Variants in ITGA9 observed in about 807,000 individuals in gnomAD.
The protein encoded by ITGA9 is integrin subunit alpha 9.
In ITGA9, 56 loss-of-function variants were observed where a neutral mutation model predicts 127.8. The ratio of observed to expected loss-of-function variants is 0.44; its 90% CI spans 0.35 to 0.55. The LOEUF is 0.55. Among genes scored for constraint, ITGA9 ranks in the 20% least tolerant of loss-of-function variants. ITGA9 has a pLI of 0.00. For synonymous variants in ITGA9, 508 were observed against 514.5 expected, an observed-to-expected ratio of 0.99 and a Z score of 0.17; for missense variants, 1,196 against 1,347.1, an observed-to-expected ratio of 0.89 and a Z score of 1.76.
chr3:37,750,473 T>G lies in ITGA9; in HGVS notation c.2445T>G (p.Thr815=). 2 of 1,609,918 alleles carry G rather than the reference T, an allele frequency of 1.2e-6. No individual in the cohort carries two copies. The highest frequency in any genetic ancestry group is 1.7e-6 in the Non-Finnish European group (2 of 1,176,232). The stretch of plus-strand genomic sequence containing the variant: ...TTCCACACCCACAGGTCTACAACAC[T>G]GGCCCAAGCACCCTTCCAGGGTCAT... The part of the protein sequence containing the change: ...PINITLQVYN[T]GPSTLPGSSV... The change falls in exon 23 of 28, where the codon ACT becomes ACG. Residue 815 remains threonine (T), a synonymous_variant. Transcript: ENST00000264741.
chr3:37,774,633 A>G lies in ITGA9; in HGVS notation c.2542-2759A>G, dbSNP rs145824442. Among the ~76,000 whole-genome samples the G allele has an allele frequency of 6.1e-4, 93 of 152,124 alleles. No homozygotes were observed. The East Asian group carries it at 0.016, about 27-fold the overall frequency. ...TCCCAGCTACTCAGGAGGCTGAGGA[A>G]GGAGGATCACCTGAGCCCAGGAGGT... On this transcript the variant is annotated intron_variant, in intron 23 of 27. Transcript: ENST00000264741.
chr3:37,625,147 G>C (rs571237828), intron 15 of ITGA9, among the ~76,000 whole-genome samples: 2 of 152,234 alleles, frequency 1.3e-5, no homozygotes, highest in East Asian at 3.9e-4. Flanking sequence ...CTCTCTGCCT[G>C]ATGTCCTACT....
intron 17 of ITGA9, among the ~76,000 whole-genome samples, chr3:37,679,977 G>A (rs1274251593): frequency 6.6e-6 from 1 of 152,088 alleles, no homozygotes; most frequent in Admixed American, 6.5e-5. Flanking sequence ...GGGGGGTGGG[G>A]GGCTCATAAT....
chr3:37,562,677 G>A (rs1408912311), intron 15 of ITGA9, among the ~76,000 whole-genome samples: 2 of 152,174 alleles, frequency 1.3e-5, no homozygotes, highest in African/African-American at 4.8e-5. Context: ...CATTTTGGCA[G>A]TTATATATTG....
intron 17 of ITGA9, among the ~76,000 whole-genome samples, chr3:37,659,595 GT>G (rs1700513191): frequency 6.6e-6 from 1 of 151,822 alleles, no homozygotes; most frequent in African/African-American, 2.4e-5. Flanking sequence ...TGTTTTCAAG[GT>G]TCTTAGCATC....
At chr3:37,767,272 G>T (rs1281899006) in intron 23 of ITGA9, among the ~76,000 whole-genome samples, 1 of 152,186 alleles carries the variant, frequency 6.6e-6, no homozygotes, top group Non-Finnish European at 1.5e-5. Flanking sequence ...CGTTGGTCTG[G>T]AGGCTTTGCC....
intron 23 of ITGA9, 33 bp from the exon 24 acceptor site, chr3:37,777,359 T>C (rs1696920883): frequency 6.2e-7 from 1 of 1,613,688 alleles, no homozygotes; most frequent in East Asian, 2.2e-5. Context: ...TTCTTGAGAA[T>C]GACTCCTCTG....
chr3:37,649,716 G>C (rs1700412602), intron 16 of ITGA9, among the ~76,000 whole-genome samples: 1 of 152,132 alleles, frequency 6.6e-6, no homozygotes, highest in Non-Finnish European at 1.5e-5. Context: ...GTAACAAATG[G>C]ACCTAGCTGG....
chr3:37,452,527 A>T lies in ITGA9; in HGVS notation c.153A>T (p.Ala51=). Residue 51 remains alanine (A), a synonymous_variant, in exon 1 of 28, where the codon GCA becomes GCT. Coordinates refer to ENST00000264741, the MANE Select transcript of ITGA9 (RefSeq NM_002207.3). The surrounding 1 kb of genome is among the most constrained non-coding windows in gnomAD (Gnocchi z 7.3). ...CCGCTGACTCGTTCTTCGGCTACGC[A>T]GTTCTGGAGCATTTCCACGACAACA... ...QGPADSFFGY[A]VLEHFHDNTR... is the part of the protein sequence containing the mutation. 1 of 1,526,306 alleles carries T rather than the reference A, an allele frequency of 6.6e-7. No homozygotes were observed. Among genetic ancestry groups the T allele is most frequent in the Non-Finnish European group, 8.8e-7 (1 of 1,136,872 alleles). 94.5% of individuals were successfully genotyped at this position (1,526,306 alleles called of 1,614,324 possible). A position where few individuals can be genotyped will look rare whatever the true frequency, so the allele number is the denominator to read the frequency against.
intron 18 of ITGA9, among the ~76,000 whole-genome samples, chr3:37,715,638 A>G (rs944525126): frequency 6.6e-6 from 1 of 152,242 alleles, no homozygotes; most frequent in East Asian, 1.9e-4. Context: ...ATGTAGTCAC[A>G]TAAGTCTGCT....
chr3:37,689,492 C>T (rs4574229), intron 18 of ITGA9, among the ~76,000 whole-genome samples: 11,800 of 152,270 alleles, frequency 0.077, 1,410 homozygotes, highest in African/African-American at 0.26. Context: ...GCCCAGTGCA[C>T]CGTGTTGCCT....
chr3:37,802,686 G>A (rs933918137), intron 26 of ITGA9, among the ~76,000 whole-genome samples: 4 of 152,204 alleles, frequency 2.6e-5, no homozygotes, highest in Non-Finnish European at 2.9e-5. Context: ...AAGCAGAGCC[G>A]AAGGGGACAA....
chr3:37,700,761 G>T lies in ITGA9; in HGVS notation c.2067+16746G>T, dbSNP rs539258553. Among the ~76,000 whole-genome samples the T allele has an allele frequency of 6.6e-5, 10 of 152,242 alleles. No homozygotes were observed. The South Asian group carries it at 8.3e-4, about 13-fold the overall frequency. ...ACTAATGGATGGTGGGCAAATAAAT[G>T]GATAGAAGATGGGTATATCTATCTT... On this transcript the variant is annotated intron_variant, in intron 18 of 27. Transcript: ENST00000264741.
intron 15 of ITGA9, among the ~76,000 whole-genome samples, chr3:37,547,685 C>T (rs1053925037): frequency 7.9e-5 from 12 of 151,912 alleles, no homozygotes; most frequent in Non-Finnish European, 1.3e-4. Flanking sequence ...GCTAAATCTC[C>T]GGGTCATCTT....
At chr3:37,511,990 TTTCTTTTC>T (rs1698911816) in intron 8 of ITGA9, among the ~76,000 whole-genome samples, 1 of 26,954 alleles carries the variant, frequency 3.7e-5, no homozygotes, top group South Asian at 9.7e-4. Context: ...TTTCTTTTCT[TTTCTTTTC>T]TTTTCTTTTC....
intron 1 of ITGA9, among the ~76,000 whole-genome samples, chr3:37,453,152 G>A (rs1236925807): frequency 1.3e-5 from 2 of 151,924 alleles, no homozygotes; most frequent in East Asian, 3.9e-4. Flanking sequence ...GACCCTGGGT[G>A]GAAGTGGAGC....
At chr3:37,792,964 G>A (rs545526297) in intron 26 of ITGA9, among the ~76,000 whole-genome samples, 7 of 152,142 alleles carry the variant, frequency 4.6e-5, no homozygotes, top group Non-Finnish European at 5.9e-5. Context: ...GCACATCCAC[G>A]GTGGCACTCT....
chr3:37,558,896 T>C (rs973968539), intron 15 of ITGA9, among the ~76,000 whole-genome samples: 10 of 152,184 alleles, frequency 6.6e-5, no homozygotes, highest in African/African-American at 2.4e-4. Context: ...CTAACCCTCC[T>C]CTCACCGTTC....
intron 2 of ITGA9, 145 bp downstream of exon 2, chr3:37,471,279 A>C: frequency 3.2e-6 from 3 of 923,900 alleles, no homozygotes; most frequent in Non-Finnish European, 3.5e-6. Context: ...GCATGTATTG[A>C]GTACGTAATA....
Sources: gnomAD v4.1 joint callset for allele counts (sites outside exome capture counted in the v4.1 genomes callset) on GRCh38, gnomAD v4.1.1 for gene constraint, Gnocchi (gnomAD v3.1) non-coding constraint, MANE v1.5 for transcripts, NCBI Gene and HGNC (gene_info 2026-07-23, HGNC 2026-07-21) for gene names.